The following R3HDM1 variants were observed in gnomAD, a reference collection of about 807,000 sequenced individuals.
The protein encoded by R3HDM1 is R3H domain containing 1, also known as R3H domain-containing protein 1.
R3HDM1 carries 46 observed loss-of-function variants against 141.1 expected under a neutral mutation model. The ratio of observed to expected loss-of-function variants is 0.33; its 90% CI spans 0.26 to 0.42. R3HDM1 has a LOEUF of 0.42. Among genes scored for constraint, R3HDM1 ranks in the 10% least tolerant of loss-of-function variants. The pLI is 1.00. For synonymous variants in R3HDM1, 435 were observed against 472.9 expected, an observed-to-expected ratio of 0.92 and a Z score of 1.04; for missense variants, 1,184 against 1,368.3, an observed-to-expected ratio of 0.87 and a Z score of 2.12.
chr2:135,659,760 A>T (rs1225500646), intron 18 of R3HDM1, among the ~76,000 whole-genome samples: 1 of 152,220 alleles, frequency 6.6e-6, no homozygotes, highest in Non-Finnish European at 1.5e-5. Context: ...ATTCTGAAAT[A>T]ATAGTTAAAA....
chr2:135,564,950 A>G (rs1702447856), intron 1 of R3HDM1, among the ~76,000 whole-genome samples: 1 of 152,208 alleles, frequency 6.6e-6, no homozygotes, highest in Non-Finnish European at 1.5e-5. Flanking sequence ...TACTGTACAT[A>G]CCATTTTATG....
chr2:135,651,678 G>T, intron 17 of R3HDM1, 52 bp from the exon 18 acceptor site: 1 of 1,519,444 alleles, frequency 6.6e-7, no homozygotes, highest in Non-Finnish European at 8.8e-7. Context: ...TCTTTGATAA[G>T]TTTGGCCTAT....
intron 23 of R3HDM1, among the ~76,000 whole-genome samples, chr2:135,711,798 A>G (rs1367667748): frequency 1.3e-5 from 2 of 152,040 alleles, no homozygotes; most frequent in Non-Finnish European, 2.9e-5. Context: ...GTCTCTACTA[A>G]AAATACAAAA....
chr2:135,675,357 G>A lies in R3HDM1; in HGVS notation c.2178G>A (p.Gln726=), dbSNP rs2068998397. 1 of 1,613,774 alleles carries A rather than the reference G, an allele frequency of 6.2e-7. No homozygotes were observed. Among genetic ancestry groups the A allele is most frequent in the Admixed American group, 1.7e-5 (1 of 59,984 alleles). The change falls in exon 20 of 27, where the codon CAG becomes CAA. Residue 726 remains glutamine (Q), a synonymous_variant. Coordinates refer to ENST00000683871, the MANE Select transcript of R3HDM1 (RefSeq NM_001378107.1). ...QTGYQVIPNQ[Q]QNYQGIVGVQ... is the part of the protein sequence containing the mutation. ...GTTATCAAGTTATACCCAACCAGCA[G>A]CAAAACTACCAAGGAATAGTTGGAG...
At chr2:135,598,813 C>G (rs2059396590) in intron 1 of R3HDM1, among the ~76,000 whole-genome samples, 1 of 152,180 alleles carries the variant, frequency 6.6e-6, no homozygotes, top group South Asian at 2.1e-4. Flanking sequence ...TTTAGCTTAC[C>G]TGTTCCTGTC....
chr2:135,701,216 T>C (rs1215216528), intron 21 of R3HDM1, among the ~76,000 whole-genome samples: 7 of 119,042 alleles, frequency 5.9e-5, no homozygotes, highest in East Asian at 2.5e-4. Context: ...CAAGACCTCA[T>C]CTCTACCAAA....
chr2:135,622,984 C>A (rs186395081), intron 7 of R3HDM1: 1 of 981,688 alleles, frequency 1.0e-6, no homozygotes, highest in East Asian at 1.1e-4. Context: ...TATTTAGGCT[C>A]TTGATTGAGT....
At chr2:135,649,296 A>C (rs980362982) in intron 16 of R3HDM1, 1 of 151,896 alleles carries the variant, frequency 6.6e-6, no homozygotes, top group Non-Finnish European at 1.5e-5. Context: ...CAATCTCCTG[A>C]CCTCGTGATC....
chr2:135,615,357 A>G (rs190857121), intron 3 of R3HDM1, among the ~76,000 whole-genome samples: 102 of 152,236 alleles, frequency 6.7e-4, no homozygotes, highest in African/African-American at 2.4e-3. Flanking sequence ...AATGATAGAT[A>G]CTTTTGCCGT....
chr2:135,663,134 CAAAAA>C (rs555551580), intron 19 of R3HDM1, among the ~76,000 whole-genome samples: 1,559 of 90,868 alleles, frequency 0.017, 28 homozygotes, highest in African/African-American at 0.039. Flanking sequence ...GCCTCTCTGC[CAAAAA>C]AAAAAAAAAA....
intron 24 of R3HDM1, among the ~76,000 whole-genome samples, chr2:135,718,701 C>G (rs938150238): frequency 1.3e-5 from 2 of 152,062 alleles, no homozygotes; most frequent in Non-Finnish European, 2.9e-5. Context: ...AGGCTAGTCT[C>G]GAACTCCTTG....
In R3HDM1 at chr2:135,616,682, A is replaced by G. The variant is rs1195804085; in HGVS notation, c.228A>G (p.Leu76=). The part of the protein sequence containing the change: ...TGKRSKSSSK[L]KLVRSLAVCE... ...CTTCTCTTTAGTCAAGCTCAAAGTT[A>G]AAGCTAGTTCGGAGCCTTGCAGTGT... The change falls in exon 5 of 27, where the codon TTA becomes TTG. Residue 76 remains leucine (L), a synonymous_variant. Coordinates refer to ENST00000683871, the MANE Select transcript of R3HDM1 (RefSeq NM_001378107.1). The G allele has an allele frequency of 2.5e-6, 4 of 1,605,686 alleles. No individual in the cohort carries two copies. In the African/African-American group the frequency reaches 4.0e-5, roughly 16 times the overall value.
chr2:135,637,298 G>T (rs1465019411), intron 11 of R3HDM1, among the ~76,000 whole-genome samples: 1 of 152,108 alleles, frequency 6.6e-6, no homozygotes, highest in Non-Finnish European at 1.5e-5. Flanking sequence ...GTTCCAAGTC[G>T]AGAGTCAGTA....
chr2:135,533,234 G>A (rs1297959008), intron 1 of R3HDM1, among the ~76,000 whole-genome samples: 2 of 152,154 alleles, frequency 1.3e-5, no homozygotes, highest in Non-Finnish European at 2.9e-5. Context: ...CTTGAGCCCA[G>A]GAGTTCAAGG....
Position 135,531,504 on chromosome 2 carries a change from C to G in R3HDM1, c.-379C>G. ...GCGGGATTCTGCCAGCCGCGGCTGC[C>G]GCTGGAGCCGGTGTCCGGGCTGGTG... On this transcript the variant is annotated 5_prime_UTR_variant, in exon 1 of 27. Coordinates refer to ENST00000683871, the MANE Select transcript of R3HDM1 (RefSeq NM_001378107.1). The G allele has an allele frequency of 9.1e-6, 9 of 985,580 alleles. No individual in the cohort carries two copies. The highest frequency in any genetic ancestry group is 1.1e-5 in the Non-Finnish European group (9 of 829,894). The allele number at this position is 985,580 out of a possible 1,614,324, so 61.1% of individuals were successfully genotyped here.
rs1317959701 is a variant in R3HDM1 at position 135,680,223 on chromosome 2, G to A, written c.2358G>A (p.Gln786=). ...SQGIPHQTYQ[Q]PVMFPNQSNQ... ...GAATTCCCCATCAGACTTATCAACAGCCTGTTATGTTCCCTAATCAGTCTA... is the reference window on the plus strand; with the variant it reads ...GAATTCCCCATCAGACTTATCAACAACCTGTTATGTTCCCTAATCAGTCTA... The change falls in exon 21 of 27, where the codon CAG becomes CAA. Residue 786 remains glutamine (Q), a synonymous_variant. Transcript: ENST00000683871. 1.2e-6 allele frequency: 2 copies of A among 1,613,662 alleles called. No homozygotes were observed. The highest frequency in any genetic ancestry group is 8.5e-7 in the Non-Finnish European group (1 of 1,179,592).
chr2:135,658,252 G>A (rs375436524), intron 18 of R3HDM1, among the ~76,000 whole-genome samples: 9 of 152,206 alleles, frequency 5.9e-5, no homozygotes, highest in African/African-American at 1.4e-4. Context: ...CACAACTTCC[G>A]CCTCCCTGGT....
chr2:135,673,654 T>C (rs1157523619), intron 19 of R3HDM1, among the ~76,000 whole-genome samples: 1 of 152,182 alleles, frequency 6.6e-6, no homozygotes, highest in Non-Finnish European at 1.5e-5. Context: ...TTATTACAGA[T>C]GAGAACTAGA....
In R3HDM1 at chr2:135,675,449, G is replaced by A. The variant is rs2069010498; in HGVS notation, c.2270G>A (p.Gly757Glu). 6.2e-7 allele frequency: 1 copy of A among 1,613,848 alleles called. No homozygotes were observed. Among genetic ancestry groups the A allele is most frequent in the African/African-American group, 1.3e-5 (1 of 74,894 alleles). ...AACAGCATTGGAAATCAGATTCAAG[G>A]AGTGGTCATCCCCTATACTTCAGTG... is the stretch of plus-strand genomic sequence containing the variant. ...QPNSIGNQIQ[G>E]VVIPYTSVPT... Residue 757 changes from glycine to glutamate, a missense_variant, in exon 20 of 27, where the codon GGA becomes GAA. This residue lies in a region of R3HDM1 where 563 missense variants were observed against 562.0 expected (regional missense o/e 1.00). Transcript: ENST00000683871.
Sources: allele counts gnomAD v4.1 joint callset (sites outside exome capture counted in the v4.1 genomes callset), GRCh38; gene constraint gnomAD v4.1.1; regional missense constraint gnomAD v4.1.1; transcripts MANE v1.5; gene names NCBI Gene and HGNC (gene_info 2026-07-23, HGNC 2026-07-21).